Variants in ULK4 observed in about 807,000 individuals in gnomAD.
ULK4 encodes inactive serine/threonine-protein kinase ULK4.
Under a neutral mutation model 160.6 loss-of-function variants are expected in ULK4, and 133 were observed. That is an observed-to-expected ratio of 0.83 (90% CI 0.72 to 0.96). The LOEUF is 0.96. Ranked by LOEUF, ULK4 falls within the 40% of genes least tolerant of loss-of-function variation. ULK4 has a pLI of 0.00. For missense variants in ULK4, 1,580 were observed against 1,499.5 expected (o/e 1.05, Z -0.89); for synonymous variants, 534 against 539.8 (o/e 0.99, Z 0.15).
intron 31 of ULK4, among the ~76,000 whole-genome samples, chr3:41,571,427 C>A (rs1009129740): frequency 6.6e-6 from 1 of 152,176 alleles, no homozygotes; most frequent in African/African-American, 2.4e-5. Context: ...TTTCATTTAT[C>A]TTAGCAGCTT....
intron 5 of ULK4, among the ~76,000 whole-genome samples, chr3:41,930,191 T>A (rs1559657309): frequency 6.6e-6 from 1 of 152,034 alleles, no homozygotes; most frequent in Non-Finnish European, 1.5e-5. Flanking sequence ...TCTACAACCA[T>A]CTGATCTTTG....
chr3:41,373,027 C>A (rs1022430378), intron 35 of ULK4, among the ~76,000 whole-genome samples: 5 of 151,862 alleles, frequency 3.3e-5, no homozygotes, highest in East Asian at 1.9e-4. Context: ...CAAACAACAA[C>A]AAAAAAGACA....
intron 21 of ULK4, among the ~76,000 whole-genome samples, chr3:41,771,947 C>G (rs1288318496): frequency 6.6e-6 from 1 of 152,112 alleles, no homozygotes; most frequent in African/African-American, 2.4e-5. Context: ...ACAACGGAAG[C>G]CTCTGTCCTG....
chr3:41,932,050 A>T (rs370805300), intron 4 of ULK4, 44 bp from the exon 5 acceptor site: 3 of 1,574,606 alleles, frequency 1.9e-6, no homozygotes, highest in East Asian at 2.3e-5. Flanking sequence ...AATCAACTTA[A>T]TTTGTACATA....
At chr3:41,611,743 C>T (rs957795303) in intron 31 of ULK4, among the ~76,000 whole-genome samples, 1 of 152,218 alleles carries the variant, frequency 6.6e-6, no homozygotes, top group African/African-American at 2.4e-5. Flanking sequence ...AAAGCACAGG[C>T]GTTCTAGACT....
intron 29 of ULK4, among the ~76,000 whole-genome samples, chr3:41,664,556 G>C (rs2035293597): frequency 6.6e-6 from 1 of 152,098 alleles, no homozygotes; most frequent in Admixed American, 6.6e-5. Flanking sequence ...TATCTAAAAT[G>C]TATCAAAATT....
At chr3:41,386,096 A>G (rs1368341272) in intron 35 of ULK4, among the ~76,000 whole-genome samples, 2 of 152,188 alleles carry the variant, frequency 1.3e-5, no homozygotes, top group Admixed American at 1.3e-4. Context: ...TTCTTCATGT[A>G]TTATATCTTC....
chr3:41,469,319 C>T (rs1325868820), intron 32 of ULK4, among the ~76,000 whole-genome samples: 1 of 152,086 alleles, frequency 6.6e-6, no homozygotes, highest in Non-Finnish European at 1.5e-5. Context: ...TGATCACAGC[C>T]CCTCCTGCAA....
intron 16 of ULK4, among the ~76,000 whole-genome samples, chr3:41,888,045 ATGCACC>A (rs1697791308): frequency 6.6e-6 from 1 of 152,028 alleles, no homozygotes; most frequent in South Asian, 2.1e-4. Context: ...GCATGGTAAC[ATGCACC>A]TGTAGTCCCA....
intron 4 of ULK4, among the ~76,000 whole-genome samples, chr3:41,935,390 C>G (rs1418336086): frequency 6.6e-6 from 1 of 151,930 alleles, no homozygotes; most frequent in Non-Finnish European, 1.5e-5. Flanking sequence ...CCACGCCCAG[C>G]TAAATTTGTA....
At chr3:41,291,183 T>C (rs1212456208) in intron 35 of ULK4, among the ~76,000 whole-genome samples, 1 of 152,100 alleles carries the variant, frequency 6.6e-6, no homozygotes, top group Non-Finnish European at 1.5e-5. Flanking sequence ...CTGACTGGAA[T>C]ACCTAGAATG....
intron 22 of ULK4, among the ~76,000 whole-genome samples, chr3:41,740,180 G>A (rs1026675309): frequency 9.2e-5 from 14 of 151,534 alleles, no homozygotes; most frequent in South Asian, 4.2e-4. Flanking sequence ...GCTTTTGTAC[G>A]GTGTAAGCAG....
At chr3:41,837,385 T>G (rs1202141083) in intron 17 of ULK4, among the ~76,000 whole-genome samples, 1 of 151,996 alleles carries the variant, frequency 6.6e-6, no homozygotes, top group East Asian at 1.9e-4. Flanking sequence ...TCTTTCCTAC[T>G]TACTTCTTTC....
intron 35 of ULK4, among the ~76,000 whole-genome samples, chr3:41,269,019 C>T (rs943107509): frequency 2.6e-5 from 4 of 152,016 alleles, no homozygotes; most frequent in African/African-American, 9.7e-5. Flanking sequence ...AGAAGAGAGA[C>T]TGTATAGCCT....
rs758781774 is a variant in ULK4, at chr3:41,754,488, C to A, written c.2194G>T (p.Gly732Cys). ...IHLQRLIQEK[G>C]FVSTIIRLLD... ...AAACGGATAATTGTGGAGACAAAACCCTGTAGAAGACATTTAAACAATTTT... is the reference window on the plus strand; with the variant it reads ...AAACGGATAATTGTGGAGACAAAACACTGTAGAAGACATTTAAACAATTTT... The change falls in exon 22 of 37, where the codon GGT becomes TGT. Residue 732 changes from glycine (G) to cysteine (C), a missense_variant and splice_region_variant. Gly to Cys is a radical substitution (Grantham distance 159). Coordinates refer to ENST00000301831, the MANE Select transcript of ULK4 (RefSeq NM_017886.4). 1 of 1,605,494 alleles carries A rather than the reference C, an allele frequency of 6.2e-7. No individual in the cohort carries two copies. Among genetic ancestry groups the A allele is most frequent in the South Asian group, 1.1e-5 (1 of 88,712 alleles).
chr3:41,359,655 C>T (rs1162343047), intron 35 of ULK4, among the ~76,000 whole-genome samples: 1 of 152,128 alleles, frequency 6.6e-6, no homozygotes, highest in East Asian at 1.9e-4. Flanking sequence ...ACAACTCTCC[C>T]AAGAAGTTTT....
At chr3:41,473,714 C>T (rs1440401789) in intron 32 of ULK4, among the ~76,000 whole-genome samples, 1 of 97,534 alleles carries the variant, frequency 1.0e-5, no homozygotes, top group Non-Finnish European at 2.3e-5. Flanking sequence ...TTAAATTTAA[C>T]AAACTTTCTG....
intron 21 of ULK4, among the ~76,000 whole-genome samples, 155 bp from the exon 22 acceptor site, chr3:41,754,643 C>T (rs1306911569): frequency 1.3e-5 from 2 of 152,070 alleles, no homozygotes; most frequent in Non-Finnish European, 2.9e-5. Context: ...GATCCCATAA[C>T]TAAATTTTAA....
At chr3:41,939,396 G>C (rs1284420709) in intron 2 of ULK4, among the ~76,000 whole-genome samples, 1 of 152,096 alleles carries the variant, frequency 6.6e-6, no homozygotes, top group African/African-American at 2.4e-5. Context: ...CTGACCTCAA[G>C]TGATCCACCC....
Sources: gnomAD v4.1 joint callset for allele counts (sites outside exome capture counted in the v4.1 genomes callset) on GRCh38, gnomAD v4.1.1 for gene constraint, MANE v1.5 for transcripts, NCBI Gene and HGNC (gene_info 2026-07-23, HGNC 2026-07-21) for gene names.